SLC35F4: variants seen among roughly 807,000 people sequenced by gnomAD.
SLC35F4 encodes chromosome 14 open reading frame 36.
SLC35F4 carries 24 observed loss-of-function variants against 44.2 expected under a neutral mutation model. That is an observed-to-expected ratio of 0.54 (90% CI 0.39 to 0.76). The LOEUF (loss-of-function observed/expected upper bound fraction) is 0.76. Ranked by LOEUF, SLC35F4 falls within the 30% of genes least tolerant of loss-of-function variation. The pLI is 0.00. For missense variants in SLC35F4, 562 were observed against 586.1 expected (o/e 0.96, Z 0.42); for synonymous variants, 238 against 223.6 (o/e 1.06, Z -0.57).
intron 1 of SLC35F4, among the ~76,000 whole-genome samples, chr14:57,780,660 C>T (rs549224219): frequency 7.0e-4 from 107 of 152,022 alleles, no homozygotes; most frequent in African/African-American, 2.4e-3. Context: ...AAAACAAGAG[C>T]CATCACACTA....
chr14:57,670,021 C>T (rs1486887310), intron 1 of SLC35F4, among the ~76,000 whole-genome samples: 3 of 152,042 alleles, frequency 2.0e-5, no homozygotes, highest in South Asian at 2.1e-4. Context: ...TGTTATTGGT[C>T]TATTCAGAGA....
In SLC35F4 at chr14:57,571,961, A is replaced by C; in HGVS notation, c.866T>G (p.Phe289Cys). Residue 289 changes from phenylalanine to cysteine, a missense_variant, in exon 5 of 8, where the codon TTC becomes TGC. Phe to Cys is a radical substitution (Grantham distance 205, BLOSUM62 -2). Transcript: ENST00000556826. Reference protein sequence around the residue: ...GIVMMAYADNFHADSIIGVAF... With the variant: ...GIVMMAYADNCHADSIIGVAF... Reference sequence around the variant, plus strand: ...CACTCCTATGATGGAATCAGCGTGGAAATTATCTGCATATGCCATCATGAC... The same window carrying C: ...CACTCCTATGATGGAATCAGCGTGGCAATTATCTGCATATGCCATCATGAC... 3.1e-6 allele frequency: 5 copies of C among 1,612,548 alleles called. No individual in the cohort carries two copies. Among genetic ancestry groups the C allele is most frequent in the Non-Finnish European group, 4.2e-6 (5 of 1,179,236 alleles).
At chr14:57,724,970 G>A (rs186877512) in intron 1 of SLC35F4, among the ~76,000 whole-genome samples, 108 of 152,322 alleles carry the variant, frequency 7.1e-4, no homozygotes, top group African/African-American at 2.6e-3. Context: ...CAGTGACTTG[G>A]AAGAAGCATG....
At chr14:57,869,945 G>T (rs1172713244), upstream of SLC35F4, among the ~76,000 whole-genome samples, 1 of 152,192 alleles carries the variant, frequency 6.6e-6, no homozygotes, top group East Asian at 1.9e-4. Context: ...TCAGCTCAAA[G>T]GGGCTGGGTG....
chr14:57,609,243 T>A (rs2071351129), intron 1 of SLC35F4, among the ~76,000 whole-genome samples: 2 of 152,144 alleles, frequency 1.3e-5, no homozygotes, highest in Admixed American at 1.3e-4. Context: ...AAAAAAATGA[T>A]CTTTTATTCA....
chr14:57,760,263 C>A (rs1941567395), intron 1 of SLC35F4, among the ~76,000 whole-genome samples: 1 of 152,038 alleles, frequency 6.6e-6, no homozygotes, highest in Non-Finnish European at 1.5e-5. Flanking sequence ...ATCCAGTTTT[C>A]CCAACATAAT....
intron 1 of SLC35F4, among the ~76,000 whole-genome samples, chr14:57,896,275 GA>G (rs200983934): frequency 0.07 from 10,596 of 152,180 alleles, 472 homozygotes; most frequent in Middle Eastern, 0.15. Flanking sequence ...ACACAATAGT[GA>G]AAAAGAACAA....
chr14:57,692,471 G>C (rs1251419710), intron 1 of SLC35F4, among the ~76,000 whole-genome samples: 1 of 152,064 alleles, frequency 6.6e-6, no homozygotes, highest in Non-Finnish European at 1.5e-5. Context: ...TGGAAAATCA[G>C]TCTTGTTTGT....
At chr14:57,897,881 G>A (rs1190403514) in intron 1 of SLC35F4, among the ~76,000 whole-genome samples, 1 of 152,184 alleles carries the variant, frequency 6.6e-6, no homozygotes, top group African/African-American at 2.4e-5. Context: ...ATGAGTTCCA[G>A]TGAGTCTCAT....
At chr14:57,799,600 C>G (rs1244152360) in intron 1 of SLC35F4, 1 of 152,738 alleles carries the variant, frequency 6.5e-6, no homozygotes, top group East Asian at 1.9e-4. Context: ...TGCCTGAGAC[C>G]GGCGGAGCTC....
chr14:57,766,068 G>A (rs1245792557), intron 1 of SLC35F4, among the ~76,000 whole-genome samples: 3 of 152,180 alleles, frequency 2.0e-5, no homozygotes, highest in Non-Finnish European at 4.4e-5. Flanking sequence ...CCCAGCCAGG[G>A]TACAGCTCTT....
chr14:57,667,142 A>G (rs1382230751), intron 1 of SLC35F4, among the ~76,000 whole-genome samples: 4 of 146,704 alleles, frequency 2.7e-5, no homozygotes. Flanking sequence ...TACTATACCC[A>G]CTCACAGATG....
chr14:57,811,058 C>G (rs1327750844), intron 1 of SLC35F4, among the ~76,000 whole-genome samples: 2 of 152,180 alleles, frequency 1.3e-5, no homozygotes, highest in African/African-American at 4.8e-5. Context: ...ACAGAGACCT[C>G]TCTGGCAGAG....
At chr14:57,802,764 G>T (rs190309611) in intron 1 of SLC35F4, among the ~76,000 whole-genome samples, 1 of 152,004 alleles carries the variant, frequency 6.6e-6, no homozygotes, top group African/African-American at 2.4e-5. Context: ...GACTGAACCA[G>T]GAAGAAATTG....
At chr14:57,809,513 A>G (rs113425251) in intron 1 of SLC35F4, among the ~76,000 whole-genome samples, 2,992 of 152,288 alleles carry the variant, frequency 0.02, 90 homozygotes, top group African/African-American at 0.067. Context: ...TCCCTGATTG[A>G]CTGTGGTACA....
intron 1 of SLC35F4, among the ~76,000 whole-genome samples, chr14:57,652,726 C>A (rs1359536082): frequency 6.6e-6 from 1 of 152,124 alleles, no homozygotes; most frequent in Non-Finnish European, 1.5e-5. Flanking sequence ...GTAACCCCCA[C>A]ACAAAGAACT....
chr14:57,823,531 T>C (rs1883405411), intron 1 of SLC35F4, among the ~76,000 whole-genome samples: 2 of 152,198 alleles, frequency 1.3e-5, no homozygotes, highest in Admixed American at 6.6e-5. Flanking sequence ...GGCCCTGCTG[T>C]CTTGTTTATA....
intron 1 of SLC35F4, among the ~76,000 whole-genome samples, chr14:57,884,229 C>A (rs932082682): frequency 2.6e-5 from 4 of 152,086 alleles, no homozygotes; most frequent in Admixed American, 6.6e-5. Flanking sequence ...TAGACAAAAC[C>A]GAAGGTGATT....
At chr14:57,804,351 C>T (rs1443157792) in intron 1 of SLC35F4, among the ~76,000 whole-genome samples, 4 of 152,138 alleles carry the variant, frequency 2.6e-5, no homozygotes, top group East Asian at 1.9e-4. Context: ...GGAGGCATCA[C>T]GCTACCCAAC....
Sources: allele counts gnomAD v4.1 joint callset (sites outside exome capture counted in the v4.1 genomes callset), GRCh38; gene constraint gnomAD v4.1.1; transcripts MANE v1.5; gene names NCBI Gene and HGNC (gene_info 2026-07-23, HGNC 2026-07-21).